COL4A6: variants seen among roughly 807,000 people sequenced by gnomAD.
COL4A6 encodes the protein collagen alpha-6(IV) chain.
Under a neutral mutation model 126.7 loss-of-function variants are expected in COL4A6, and 59 were observed. The observed-to-expected ratio is 0.47, with a 90% CI of 0.38 to 0.58. The LOEUF (loss-of-function observed/expected upper bound fraction) is 0.58, where lower values mean the gene tolerates loss of function less well. Among genes scored for constraint, COL4A6 ranks in the 20% least tolerant of loss-of-function variants. The pLI is 0.00. For missense variants in COL4A6, 1,285 were observed against 1,337.3 expected, an observed-to-expected ratio of 0.96 and a Z score of 0.61; for synonymous variants, 547 against 496.6, an observed-to-expected ratio of 1.10 and a Z score of -1.35.
In COL4A6 at chrX:108,206,150, T is replaced by C. The variant is rs1017649896; in HGVS notation, c.609+368A>G. On this transcript the variant is annotated intron_variant, in intron 9 of 44. Coordinates refer to ENST00000334504, the MANE Select transcript of COL4A6 (RefSeq NM_033641.4). ...CAAGATGCAGTGTTAGGAAGGAATT[T>C]GAAGCTTCTTCAGTATTCAGGGTGG... Among the ~76,000 whole-genome samples the C allele has an allele frequency of 5.4e-5, 6 of 111,530 alleles. No individual in the cohort carries two copies. In the South Asian group the frequency reaches 1.9e-3, roughly 35 times the overall value.
intron 3 of COL4A6, among the ~76,000 whole-genome samples, chrX:108,225,854 A>G (rs2148278033): frequency 8.9e-6 from 1 of 112,625 alleles, no homozygotes; most frequent in South Asian, 3.7e-4. Flanking sequence ...TAAAATTAAC[A>G]TTTGTTCCTG....
intron 2 of COL4A6, among the ~76,000 whole-genome samples, chrX:108,360,965 G>A (rs143345173): frequency 0.022 from 2,484 of 111,010 alleles, 29 homozygotes; most frequent in Non-Finnish European, 0.036. Flanking sequence ...GCAGATCAGG[G>A]AAGGCTGTGT....
At chrX:108,205,905 A>G (rs1280166237) in intron 9 of COL4A6, among the ~76,000 whole-genome samples, 1 of 111,161 alleles carries the variant, frequency 9.0e-6, no homozygotes, top group Non-Finnish European at 1.9e-5. Flanking sequence ...GGTAGTGAAG[A>G]CTTCATGTGT....
chrX:108,288,275 T>C (rs2038058809), intron 3 of COL4A6, among the ~76,000 whole-genome samples: 1 of 111,886 alleles, frequency 8.9e-6, no homozygotes, highest in African/African-American at 3.2e-5. Flanking sequence ...TAAGGTCAAA[T>C]ACCTGGATGA....
At position 108,180,753 on chromosome X, in the gene COL4A6, C is replaced by A; in HGVS notation, c.2024-131G>T. 3 of 791,263 alleles carry A rather than the reference C, an allele frequency of 3.8e-6. No individual in the cohort carries two copies. The South Asian group carries it at 6.9e-5, about 18-fold the overall frequency. The allele number at this position is 791,263 out of a possible 1,213,427, so 65.2% of individuals were successfully genotyped here. A position where few individuals can be genotyped will look rare whatever the true frequency, so the allele number is the denominator to read the frequency against. On this transcript the variant is annotated intron_variant, in intron 24 of 44. Transcript: ENST00000334504. ...TCTCACCTCCCCACACTGCCCTCTC[C>A]AGCAGCCATCCTGTTTCCTCAATCC...
At chrX:108,338,696 C>T in intron 2 of COL4A6, among the ~76,000 whole-genome samples, 1 of 111,738 alleles carries the variant, frequency 8.9e-6, no homozygotes, top group Non-Finnish European at 1.9e-5. Flanking sequence ...TTCTCAAAAG[C>T]CATGGTTAAA....
intron 8 of COL4A6, among the ~76,000 whole-genome samples, chrX:108,209,055 T>A (rs1221865358): frequency 8.9e-6 from 1 of 112,274 alleles, no homozygotes; most frequent in Non-Finnish European, 1.9e-5. Context: ...GAATACACTA[T>A]CTAAGCCAAT....
At chrX:108,297,494 C>T (rs748060890) in intron 3 of COL4A6, among the ~76,000 whole-genome samples, 2 of 111,053 alleles carry the variant, frequency 1.8e-5, no homozygotes, top group African/African-American at 6.6e-5. Context: ...GCCAGTATGA[C>T]CCCACCAGTT....
intron 23 of COL4A6, among the ~76,000 whole-genome samples, chrX:108,182,712 C>T (rs1407822322): frequency 8.9e-6 from 1 of 112,202 alleles, no homozygotes; most frequent in Non-Finnish European, 1.9e-5. Flanking sequence ...AAAGACTCTC[C>T]TGCCCTCAAC....
intron 2 of COL4A6, among the ~76,000 whole-genome samples, chrX:108,407,102 C>T (rs1227420940): frequency 1.8e-5 from 2 of 112,484 alleles, no homozygotes; most frequent in African/African-American, 3.2e-5. Flanking sequence ...TACCAGAAAT[C>T]TCAACTCTGG....
chrX:108,399,905 A>G (rs2041049185), intron 2 of COL4A6, among the ~76,000 whole-genome samples: 1 of 111,114 alleles, frequency 9.0e-6, no homozygotes, highest in Non-Finnish European at 1.9e-5. Context: ...GACAGTGGAG[A>G]TGGCTAATTT....
chrX:108,165,062 G>A, intron 38 of COL4A6, 24 bp from the exon 39 acceptor site: 1 of 1,188,693 alleles, frequency 8.4e-7, no homozygotes. Context: ...CGGAAGAGGG[G>A]CGAGGGGCAG....
intron 2 of COL4A6, among the ~76,000 whole-genome samples, chrX:108,365,048 C>T (rs971114745): frequency 9.0e-6 from 1 of 111,226 alleles, no homozygotes; most frequent in African/African-American, 3.3e-5. Context: ...TGTGTATGTG[C>T]GCATGCTCTT....
chrX:108,346,936 G>C (rs2039722228), intron 2 of COL4A6, among the ~76,000 whole-genome samples: 1 of 112,526 alleles, frequency 8.9e-6, no homozygotes, highest in African/African-American at 3.2e-5. Context: ...CCACCCAGCA[G>C]TTCCAGAAGA....
rs151261955 is a variant in COL4A6 at position 108,428,115 on chromosome X, A to G, written c.63+9827T>C. 1.0e-3 allele frequency among the ~76,000 whole-genome samples: 116 copies of G among 111,489 alleles called. 3 individuals are homozygous for G. In the East Asian group the frequency reaches 0.031, roughly 30 times the overall value. On this transcript the variant is annotated intron_variant, in intron 2 of 44. Transcript: ENST00000334504. ...TTTCCTGGGCCACATTGGAAGAAAA[A>G]GCATTGTCTTGGGCCACAAATAAAA... is the stretch of plus-strand genomic sequence containing the variant.
At position 108,187,199 on chromosome X, in the gene COL4A6, G is replaced by A; in HGVS notation, c.1848C>T (p.Gly616=). The part of the protein sequence containing the change: ...PGEKGHPGPP[G]LPGNGLPGLP... ...GTCCTGGTAACCCATTTCCTGGGAG[G>A]CCAGGTGGACCAGGATGGCCTTTTT... The change falls in exon 23 of 45, where the codon GGC becomes GGT. Residue 616 remains glycine (G), a synonymous_variant. Coordinates refer to ENST00000334504, the MANE Select transcript of COL4A6 (RefSeq NM_033641.4). 1 of 1,196,205 alleles carries A rather than the reference G, an allele frequency of 8.4e-7. No homozygotes were observed. Among genetic ancestry groups the A allele is most frequent in the East Asian group, 3.0e-5 (1 of 33,335 alleles).
intron 2 of COL4A6, among the ~76,000 whole-genome samples, chrX:108,396,950 T>C (rs1346802220): frequency 8.9e-6 from 1 of 111,889 alleles, no homozygotes; most frequent in Non-Finnish European, 1.9e-5. Flanking sequence ...AAATGACATT[T>C]ATCTCAAAAT....
chrX:108,220,334 C>T (rs1244040473), intron 4 of COL4A6, among the ~76,000 whole-genome samples: 1 of 111,865 alleles, frequency 8.9e-6, no homozygotes, highest in Non-Finnish European at 1.9e-5. Flanking sequence ...TATCTTCCTC[C>T]CCTGAGCTGT....
intron 2 of COL4A6, among the ~76,000 whole-genome samples, chrX:108,385,104 A>G (rs1388841994): frequency 4.5e-5 from 5 of 110,387 alleles, no homozygotes; most frequent in African/African-American, 1.6e-4. Flanking sequence ...CTAGTCATAT[A>G]TACTATATGA....
Sources: allele counts gnomAD v4.1 joint callset (sites outside exome capture counted in the v4.1 genomes callset), GRCh38; gene constraint gnomAD v4.1.1; transcripts MANE v1.5; gene names NCBI Gene and HGNC (gene_info 2026-07-23, HGNC 2026-07-21).